Variants in HMGA2 observed in about 807,000 individuals in gnomAD.
HMGA2 encodes the protein high mobility group protein HMGI-C.
Under a neutral mutation model 19.1 loss-of-function variants are expected in HMGA2, and 8 were observed. The observed-to-expected ratio is 0.42, with a 90% CI of 0.25 to 0.76. HMGA2 has a LOEUF of 0.76. Among genes scored for constraint, HMGA2 ranks in the 30% least tolerant of loss-of-function variants. The pLI, the probability that HMGA2 is intolerant of heterozygous loss-of-function variation, is 0.28. For missense variants in HMGA2, 109 were observed against 136.3 expected (o/e 0.80, Z 1.00); for synonymous variants, 60 against 48.8 (o/e 1.23, Z -0.96).
In HMGA2 at chr12:65,869,751, G is replaced by C. The variant is rs1872612985; in HGVS notation, c.249+31182G>C. 2.0e-5 allele frequency among the ~76,000 whole-genome samples: 3 copies of C among 152,236 alleles called. No homozygotes were observed. In the South Asian group the frequency reaches 6.2e-4, roughly 32 times the overall value. On this transcript the variant is annotated intron_variant, in intron 3 of 4. Transcript: ENST00000403681. ...CTACCAAGCCTGGCATTGTTCTAGA[G>C]ACCTCAAAATACACCTTTAAAAACA...
intron 3 of HMGA2, among the ~76,000 whole-genome samples, chr12:65,947,551 G>A (rs1876312103): frequency 6.6e-6 from 1 of 152,152 alleles, no homozygotes; most frequent in African/African-American, 2.4e-5. Context: ...ATGGAATGAG[G>A]ATTTTCATTA....
chr12:65,881,714 T>G, intron 3 of HMGA2: 1 of 702,552 alleles, frequency 1.4e-6, no homozygotes, highest in Non-Finnish European at 2.6e-6. Context: ...AGAGCTTCAC[T>G]CACTGACTCC....
At chr12:65,878,343 C>T (rs1357996091) in intron 3 of HMGA2, among the ~76,000 whole-genome samples, 2 of 152,150 alleles carry the variant, frequency 1.3e-5, no homozygotes, top group African/African-American at 2.4e-5. Context: ...GAAGAGCTGA[C>T]ATTGTTCTAA....
chr12:65,912,190 A>T (rs1874875141), intron 3 of HMGA2, among the ~76,000 whole-genome samples: 2 of 152,304 alleles, frequency 1.3e-5, no homozygotes, highest in East Asian at 3.9e-4. Flanking sequence ...TAAATATTAA[A>T]TTTTTAAATT....
intron 3 of HMGA2, chr12:65,873,960 T>C (rs1480335142): frequency 6.6e-6 from 1 of 152,218 alleles, no homozygotes; most frequent in Admixed American, 6.5e-5. Context: ...GTATGCCAAT[T>C]AATGGCCCAC....
At chr12:65,846,212 TAAA>T (rs1351246575) in intron 3 of HMGA2, among the ~76,000 whole-genome samples, 1 of 152,372 alleles carries the variant, frequency 6.6e-6, no homozygotes, top group East Asian at 1.9e-4. Context: ...ATAAGTTAGT[TAAA>T]AAGTCTTTTT....
At chr12:65,844,506 A>T (rs186140682) in intron 3 of HMGA2, among the ~76,000 whole-genome samples, 27 of 152,390 alleles carry the variant, frequency 1.8e-4, no homozygotes, top group Admixed American at 1.8e-3. Flanking sequence ...TAAAATTAAA[A>T]GATTAAATAT....
In HMGA2 at chr12:65,825,342, T is replaced by A. The variant is rs1327635941; in HGVS notation, c.72T>A (p.Pro24=). 7.8e-6 allele frequency: 12 copies of A among 1,537,770 alleles called. No homozygotes were observed. In the Admixed American group the frequency reaches 7.9e-5, roughly 10 times the overall value. Residue 24 remains proline, a synonymous_variant, in exon 1 of 5, where the codon CCT becomes CCA. Coordinates refer to ENST00000403681, the MANE Select transcript of HMGA2 (RefSeq NM_003483.6). The surrounding 1 kb of genome is among the most constrained non-coding windows in gnomAD (Gnocchi z 4.4). ...AGGGACAACCTGCCGCCCCAGCGCCTCAGAAGAGAGGACGCGGCCGCCCCA... is the reference window on the plus strand; with the variant it reads ...AGGGACAACCTGCCGCCCCAGCGCCACAGAAGAGAGGACGCGGCCGCCCCA... ...SAQGQPAAPA[P]QKRGRGRPRK...
chr12:65,829,051 C>A (rs1197535323), intron 2 of HMGA2: 3 of 152,064 alleles, frequency 2.0e-5, no homozygotes, highest in East Asian at 1.9e-4. Flanking sequence ...TTTGGATATA[C>A]CTTTTCACCG....
chr12:65,875,786 A>G (rs1328834032), intron 3 of HMGA2, among the ~76,000 whole-genome samples: 2 of 151,576 alleles, frequency 1.3e-5, no homozygotes, highest in Admixed American at 1.3e-4. Flanking sequence ...TACGTATGCC[A>G]TTAGTCAACT....
intron 3 of HMGA2, among the ~76,000 whole-genome samples, chr12:65,922,809 T>A (rs1265430806): frequency 6.6e-6 from 1 of 152,166 alleles, no homozygotes; most frequent in Non-Finnish European, 1.5e-5. Context: ...GATAATTGAA[T>A]CATGGGGGCC....
intron 3 of HMGA2, among the ~76,000 whole-genome samples, chr12:65,927,462 C>A (rs1875547666): frequency 6.6e-6 from 1 of 152,180 alleles, no homozygotes; most frequent in Admixed American, 6.5e-5. Context: ...AAAGACAGTT[C>A]TTCACTTTTA....
At chr12:65,866,956 T>C in intron 3 of HMGA2, 1 of 456,812 alleles carries the variant, frequency 2.2e-6, no homozygotes, top group South Asian at 1.5e-5. Flanking sequence ...ATCTTGACAC[T>C]GGTAGAGAGA....
At chr12:65,942,142 C>T (rs1340520251) in intron 3 of HMGA2, among the ~76,000 whole-genome samples, 2 of 152,088 alleles carry the variant, frequency 1.3e-5, no homozygotes, top group Admixed American at 1.3e-4. Flanking sequence ...TCATAGATGC[C>T]TCCTTTTCAT....
At chr12:65,845,126 C>A (rs888470136) in intron 3 of HMGA2, among the ~76,000 whole-genome samples, 1 of 152,088 alleles carries the variant, frequency 6.6e-6, no homozygotes, top group Non-Finnish European at 1.5e-5. Flanking sequence ...GGTTGGAAAT[C>A]CCCATGCTGT....
rs1422601358 is a variant in HMGA2 at position 65,837,132 on chromosome 12, A to G, written c.199-1387A>G. On this transcript the variant is annotated intron_variant, in intron 2 of 4. Coordinates refer to ENST00000403681, the MANE Select transcript of HMGA2 (RefSeq NM_003483.6). The stretch of plus-strand genomic sequence containing the variant: ...ATAAGGCTGCTGTAAGGATTAACGT[A>G]ACACATGTGACTGACAATCGAGTGC... Among the ~76,000 whole-genome samples the G allele has an allele frequency of 2.6e-5, 4 of 152,232 alleles. No homozygotes were observed. The South Asian group carries it at 8.3e-4, about 32-fold the overall frequency.
intron 3 of HMGA2, among the ~76,000 whole-genome samples, chr12:65,921,225 G>A (rs1323585744): frequency 6.6e-6 from 1 of 152,156 alleles, no homozygotes; most frequent in African/African-American, 2.4e-5. Flanking sequence ...CATTCAAGAG[G>A]TGACTTGGGT....
chr12:65,892,674 A>G (rs1004714028), intron 3 of HMGA2, among the ~76,000 whole-genome samples: 12 of 152,174 alleles, frequency 7.9e-5, no homozygotes, highest in African/African-American at 2.2e-4. Flanking sequence ...AATCTGATCC[A>G]TGGGAATGGG....
chr12:65,914,972 G>T (rs1592442501), intron 3 of HMGA2: 1 of 1,574,892 alleles, frequency 6.3e-7, no homozygotes, highest in Non-Finnish European at 8.7e-7. Context: ...ATCGTGCCTG[G>T]TCTAAAAAAT....
Sources: allele counts gnomAD v4.1 joint callset (sites outside exome capture counted in the v4.1 genomes callset), GRCh38; gene constraint gnomAD v4.1.1; non-coding constraint Gnocchi (gnomAD v3.1); transcripts MANE v1.5; gene names NCBI Gene and HGNC (gene_info 2026-07-23, HGNC 2026-07-21).